The following TRPM7 variants were observed in gnomAD, a reference collection of about 807,000 sequenced individuals.
TRPM7 encodes transient receptor potential cation channel subfamily M member 7.
In TRPM7, 134 loss-of-function variants were observed where a neutral mutation model predicts 229.7. The observed-to-expected ratio is 0.58, with a 90% CI of 0.51 to 0.67. The LOEUF is 0.67. Among genes scored for constraint, TRPM7 ranks in the 30% least tolerant of loss-of-function variants. TRPM7 has a pLI of 0.00. For missense variants in TRPM7, 1,901 were observed against 2,210.0 expected (o/e 0.86, Z 2.80); for synonymous variants, 699 against 715.2 (o/e 0.98, Z 0.36).
chr15:50,681,499 C>T (rs2062239398), intron 1 of TRPM7, among the ~76,000 whole-genome samples: 1 of 152,118 alleles, frequency 6.6e-6, no homozygotes, highest in South Asian at 2.1e-4. Flanking sequence ...CTCCAGTGTC[C>T]TCCTAACAGT....
Position 50,686,452 on chromosome 15 carries a change from A to C in TRPM7, c.3+79T>G, listed in dbSNP as rs200309134. 9,207 of 1,612,004 alleles carry C rather than the reference A, an allele frequency of 5.7e-3. 37 individuals carry two copies. Among genetic ancestry groups the C allele is most frequent in the Non-Finnish European group, 6.8e-3 (8,036 of 1,178,428 alleles). On this transcript the variant is annotated intron_variant, in intron 1 of 38. Transcript: ENST00000646667. ...CGCCGCATGGAACGCGGCTCCCCAC[A>C]CACTTGCCTGCCAAGTCTCTCCTTT... is the stretch of plus-strand genomic sequence containing the variant.
chr15:50,680,059 C>A (rs1309007371), intron 1 of TRPM7, among the ~76,000 whole-genome samples: 1 of 151,912 alleles, frequency 6.6e-6, no homozygotes, highest in Admixed American at 6.6e-5. Context: ...CATGGTGAAA[C>A]CCTGTCTCTG....
At chr15:50,566,412 C>G (rs1171301852) in intron 38 of TRPM7, among the ~76,000 whole-genome samples, 4 of 152,000 alleles carry the variant, frequency 2.6e-5, no homozygotes, top group Admixed American at 1.3e-4. Flanking sequence ...AAATAAACAT[C>G]TGAGGCCGGG....
At chr15:50,678,486 T>C (rs1308204122) in intron 1 of TRPM7, among the ~76,000 whole-genome samples, 1 of 136,216 alleles carries the variant, frequency 7.3e-6, no homozygotes, top group African/African-American at 2.7e-5. Context: ...TTACAGACCC[T>C]ACTCTCTAGT....
rs200583976 is a variant in TRPM7 at position 50,631,444 on chromosome 15, C to T, written c.1177G>A (p.Val393Ile). The T allele has an allele frequency of 9.3e-5, 149 of 1,610,002 alleles. No homozygotes were observed. The highest frequency in any genetic ancestry group is 1.2e-4 in the Non-Finnish European group (146 of 1,177,426). Reference protein sequence around the residue: ...IGSDEHQDIDVAILTALLKGT... With the variant: ...IGSDEHQDIDIAILTALLKGT... ...TTTAGCAGTGCAGTAAGTATTGCTA[C>T]ATCTATATCTTGATGTTCATCTGAC... is the stretch of plus-strand genomic sequence containing the variant. The change falls in exon 10 of 39, where the codon GTA becomes ATA. Residue 393 changes from valine to isoleucine, a missense_variant. This residue lies in a region of TRPM7 where 794 missense variants were observed against 881.9 expected (regional missense o/e 0.90). Coordinates refer to ENST00000646667, the MANE Select transcript of TRPM7 (RefSeq NM_017672.6).
rs930406287 is a variant in TRPM7 at position 50,624,279 on chromosome 15, T to C, written c.1327A>G (p.Met443Val). The C allele has an allele frequency of 5.6e-6, 9 of 1,606,708 alleles. No homozygotes were observed. The highest frequency in any genetic ancestry group is 7.6e-6 in the Non-Finnish European group (9 of 1,177,598). The part of the protein sequence containing the change: ...QWLVGSLEQA[M>V]LDALVMDRVA... Reference sequence around the variant, plus strand: ...CTATCCATTACAAGAGCATCAAGCATAGCTTGTTCCAAGGATCCAACCTAG... The same window carrying C: ...CTATCCATTACAAGAGCATCAAGCACAGCTTGTTCCAAGGATCCAACCTAG... Residue 443 changes from methionine (M) to valine (V), a missense_variant, in exon 12 of 39, where the codon ATG becomes GTG. Around this residue, in one of 8 missense-constraint regions of TRPM7, gnomAD observed 794 missense variants for 881.9 expected, o/e 0.90. Transcript: ENST00000646667.
intron 1 of TRPM7, among the ~76,000 whole-genome samples, chr15:50,671,011 G>A (rs1266075710): frequency 2.0e-5 from 3 of 152,040 alleles, no homozygotes; most frequent in Non-Finnish European, 4.4e-5. Context: ...TTGCGGAATG[G>A]CTAAATCGAG....
chr15:50,648,283 G>GA (rs1001587470), intron 4 of TRPM7, among the ~76,000 whole-genome samples: 14 of 150,700 alleles, frequency 9.3e-5, no homozygotes, highest in South Asian at 2.1e-4. Flanking sequence ...AATAATACAA[G>GA]AAAAAAAACA....
chr15:50,593,480 CT>C, intron 25 of TRPM7, 136 bp downstream of exon 25: 1 of 926,826 alleles, frequency 1.1e-6, no homozygotes, highest in Non-Finnish European at 1.6e-6. Flanking sequence ...ACTGAACGAT[CT>C]TTCCAATACA....
At chr15:50,576,700 T>C (rs1221148047) in intron 31 of TRPM7, among the ~76,000 whole-genome samples, 1 of 152,214 alleles carries the variant, frequency 6.6e-6, no homozygotes, top group Non-Finnish European at 1.5e-5. Flanking sequence ...TGTGTCATCA[T>C]AGAAATGATT....
chr15:50,660,556 G>A (rs895291851), intron 2 of TRPM7, among the ~76,000 whole-genome samples: 1 of 152,272 alleles, frequency 6.6e-6, no homozygotes, highest in Admixed American at 6.5e-5. Context: ...TCAGGTAGCT[G>A]AGGCATGAGA....
chr15:50,663,150 CAG>C (rs2061777670), intron 1 of TRPM7, 104 bp from the exon 2 acceptor site: 1 of 864,078 alleles, frequency 1.2e-6, no homozygotes, highest in Non-Finnish European at 1.8e-6. Context: ...TTTTTTGAGA[CAG>C]AGTTTTGCTC....
chr15:50,564,248 A>AAAAATAAAAATAAAATAAAT (rs2053461388), intron 38 of TRPM7, among the ~76,000 whole-genome samples: 2 of 124,744 alleles, frequency 1.6e-5, no homozygotes, highest in African/African-American at 6.8e-5. Context: ...GACTGTCTCA[A>AAAAATAAAAATAAAATAAAT]AAAATAAAAT....
chr15:50,621,302 G>T (rs1000221819), intron 12 of TRPM7, among the ~76,000 whole-genome samples: 10 of 152,110 alleles, frequency 6.6e-5, no homozygotes, highest in African/African-American at 2.4e-4. Context: ...ATATTTTGGG[G>T]GTATTGGGGA....
At chr15:50,577,256 T>C (rs2054179514) in intron 31 of TRPM7, among the ~76,000 whole-genome samples, 1 of 151,974 alleles carries the variant, frequency 6.6e-6, no homozygotes, top group South Asian at 2.1e-4. Flanking sequence ...GGAGTGACCT[T>C]TAGAAAAATC....
At position 50,580,915 on chromosome 15, in the gene TRPM7, T is replaced by TA. The variant is rs374182910; in HGVS notation, c.4558-8dup. 27,160 of 1,254,424 alleles carry TA rather than the reference T, an allele frequency of 0.022. 72 individuals carry two copies. Among genetic ancestry groups the TA allele is most frequent in the African/African-American group, 0.064 (4,004 of 62,662 alleles). 77.7% of individuals were successfully genotyped at this position (1,254,424 alleles called of 1,614,324 possible). On this transcript the variant is annotated splice_polypyrimidine_tract_variant and splice_region_variant and intron_variant, in intron 29 of 38. Coordinates refer to ENST00000646667, the MANE Select transcript of TRPM7 (RefSeq NM_017672.6). ...GTCTATCTTGTAACCAATCCTTCAG[T>TA]AAAAAAAAAACACACACACACAAAA...
At chr15:50,677,014 G>A (rs1259591178) in intron 1 of TRPM7, among the ~76,000 whole-genome samples, 1 of 152,180 alleles carries the variant, frequency 6.6e-6, no homozygotes, top group East Asian at 1.9e-4. Flanking sequence ...GTACAATGAA[G>A]TTAATCAACA....
intron 1 of TRPM7, among the ~76,000 whole-genome samples, chr15:50,681,264 TAC>T (rs72070923): frequency 0.15 from 21,677 of 146,904 alleles, 2,084 homozygotes; most frequent in Admixed American, 0.28. Flanking sequence ...AATAAATAAA[TAC>T]ACACACACAC....
chr15:50,635,080 G>A (rs547709828), intron 7 of TRPM7, among the ~76,000 whole-genome samples: 126 of 152,066 alleles, frequency 8.3e-4, no homozygotes, highest in African/African-American at 2.6e-3. Flanking sequence ...CACTTTCGGA[G>A]ACCAAGATGG....
Sources: allele counts gnomAD v4.1 joint callset (sites outside exome capture counted in the v4.1 genomes callset), GRCh38; gene constraint gnomAD v4.1.1; regional missense constraint gnomAD v4.1.1; transcripts MANE v1.5; gene names NCBI Gene and HGNC (gene_info 2026-07-23, HGNC 2026-07-21).